CIITA: variants seen among roughly 807,000 people sequenced by gnomAD.
CIITA encodes the protein class II major histocompatibility complex transactivator.
CIITA carries 72 observed loss-of-function variants against 115.1 expected under a neutral mutation model. That is an observed-to-expected ratio of 0.63 (90% CI 0.52 to 0.76). The LOEUF (loss-of-function observed/expected upper bound fraction) is 0.76, where lower values mean the gene tolerates loss of function less well. CIITA is among the 30% of genes least tolerant of loss of function. The pLI is 0.00. For synonymous variants in CIITA, 763 were observed against 635.6 expected, an observed-to-expected ratio of 1.20 and a Z score of -3.02; for missense variants, 1,617 against 1,463.8, an observed-to-expected ratio of 1.10 and a Z score of -1.71.
chr16:10,900,894 A>T (rs2038678307), intron 5 of CIITA, among the ~76,000 whole-genome samples: 1 of 152,102 alleles, frequency 6.6e-6, no homozygotes, highest in South Asian at 2.1e-4. Context: ...CCCTCTATCC[A>T]TCCACACACC....
rs2038721171 is a variant in CIITA, at chr16:10,901,270, A to G, written c.437-244A>G. 1.3e-5 allele frequency among the ~76,000 whole-genome samples: 2 copies of G among 152,092 alleles called. No individual in the cohort carries two copies. The highest frequency in any genetic ancestry group is 2.9e-5 in the Non-Finnish European group (2 of 67,990). ...TTGTTTTGTTTTTTGGCTCAAACCCATGTTGTGTCCCCATTTGTGACTCGG... is the reference window on the plus strand; with the variant it reads ...TTGTTTTGTTTTTTGGCTCAAACCCGTGTTGTGTCCCCATTTGTGACTCGG... On this transcript the variant is annotated intron_variant, in intron 5 of 19. Coordinates refer to ENST00000324288, the MANE Select transcript of CIITA (RefSeq NM_000246.4). This position sits in a 1 kb window ranked among gnomAD's most constrained non-coding sequence, Gnocchi z 6.8.
chr16:10,872,389 C>A (rs1027108617), upstream of CIITA, among the ~76,000 whole-genome samples: 1 of 152,056 alleles, frequency 6.6e-6, no homozygotes, highest in African/African-American at 2.4e-5. Context: ...TCCCAAAATG[C>A]TGGGATTATA....
At chr16:10,913,386 C>G (rs2039720024) in intron 13 of CIITA, 1 of 158,804 alleles carries the variant, frequency 6.3e-6, no homozygotes, top group Non-Finnish European at 1.4e-5. Context: ...ACAATCTCGA[C>G]TCACTGCAAC....
At chr16:10,900,613 A>G (rs1251338686) in intron 5 of CIITA, among the ~76,000 whole-genome samples, 4 of 151,828 alleles carry the variant, frequency 2.6e-5, no homozygotes, top group East Asian at 1.9e-4. Context: ...GGTGGCGAAC[A>G]CCTGTAATCC....
rs762986389 is a variant in CIITA at position 10,923,354 on chromosome 16, G to A, written c.*22+29G>A. 19 of 1,498,776 alleles carry A rather than the reference G, an allele frequency of 1.3e-5. No individual in the cohort carries two copies. The highest frequency in any genetic ancestry group is 1.8e-5 in the Non-Finnish European group (19 of 1,076,752). 92.8% of individuals were successfully genotyped at this position (1,498,776 alleles called of 1,614,324 possible). ...ACCAGGGTGGGCTTGGGAGGGGAGA[G>A]CCGCAGTGGGTTGGGGGCAGTGTCC... is the stretch of plus-strand genomic sequence containing the variant. On this transcript the variant is annotated intron_variant, in intron 19 of 19. Transcript: ENST00000324288. The surrounding 1 kb of genome is among the most constrained non-coding windows in gnomAD (Gnocchi z 5.2).
At position 10,932,422 on chromosome 16, in the gene CIITA, G is replaced by A. The variant is rs1297106314; in HGVS notation, c.*8567G>A. 1 of 152,200 alleles carries A rather than the reference G, an allele frequency of 6.6e-6. No individual in the cohort carries two copies. The highest frequency in any genetic ancestry group is 1.9e-4 in the East Asian group (1 of 5,194). 9.4% of individuals were successfully genotyped at this position (152,200 alleles called of 1,614,324 possible). On this transcript the variant is annotated 3_prime_UTR_variant, in exon 20 of 20. Transcript: ENST00000324288. The stretch of plus-strand genomic sequence containing the variant: ...CTGCATTTCACATGGAGCTCAGAGA[G>A]GTTAAGCAAGCCGTGCAAGGCCACA...
intron 1 of CIITA, among the ~76,000 whole-genome samples, chr16:10,891,027 T>C (rs2037516184): frequency 6.6e-6 from 1 of 152,192 alleles, no homozygotes; most frequent in South Asian, 2.1e-4. Context: ...CTTCTTTCCC[T>C]TCTCAATTTA....
At chr16:10,886,324 G>C (rs927017699) in intron 1 of CIITA, among the ~76,000 whole-genome samples, 1 of 152,018 alleles carries the variant, frequency 6.6e-6, no homozygotes, top group Non-Finnish European at 1.5e-5. Flanking sequence ...TTCTAATCAC[G>C]GACATTGTTC....
chr16:10,896,978 A>C (rs985088763), intron 3 of CIITA, among the ~76,000 whole-genome samples: 25 of 152,206 alleles, frequency 1.6e-4, no homozygotes, highest in African/African-American at 6.0e-4. Context: ...GAGGACATTC[A>C]CATTTCCTCA....
Position 10,906,968 on chromosome 16 carries a change from C to T in CIITA, c.1476C>T (p.Asp492=), listed in dbSNP as rs763054530. 6.2e-7 allele frequency: 1 copy of T among 1,612,450 alleles called. No homozygotes were observed. Among genetic ancestry groups the T allele is most frequent in the South Asian group, 1.1e-5 (1 of 91,078 alleles). The change falls in exon 11 of 20, where the codon GAC becomes GAT. Residue 492 remains aspartate, a synonymous_variant. Transcript: ENST00000324288. ...TCAGCCACATCTTGAAGAGACCTGA[C>T]CGCGTTCTGCTCATCCTAGACGGCT... is the stretch of plus-strand genomic sequence containing the variant. ...EVFSHILKRP[D]RVLLILDGFE... is the part of the protein sequence containing the mutation.
chr16:10,867,569 G>A (rs2035172579), intron 1 of CIITA, among the ~76,000 whole-genome samples: 1 of 152,036 alleles, frequency 6.6e-6, no homozygotes, highest in African/African-American at 2.4e-5. Flanking sequence ...GAGAGAAAGA[G>A]AGAATAAGAA....
intron 1 of CIITA, among the ~76,000 whole-genome samples, chr16:10,880,174 T>G (rs1289414115): frequency 2.0e-5 from 3 of 152,154 alleles, no homozygotes; most frequent in African/African-American, 7.2e-5. Context: ...TCAGAGCGTT[T>G]GGAGGCAGGG....
In CIITA at chr16:10,922,438, G is replaced by A; in HGVS notation, c.3265G>A (p.Ala1089Thr). 1 of 1,614,196 alleles carries A rather than the reference G, an allele frequency of 6.2e-7. No homozygotes were observed. Among genetic ancestry groups the A allele is most frequent in the Non-Finnish European group, 8.5e-7 (1 of 1,180,040 alleles). ...VQYNKFTAAG[A>T]QQLAASLRRC... ...GTACAACAAGTTCACGGCTGCCGGG[G>A]CCCAGCAGCTCGCTGCCAGCCTTCG... The change falls in exon 18 of 20, where the codon GCC becomes ACC. Residue 1089 changes from alanine to threonine, a missense_variant. Coordinates refer to ENST00000324288, the MANE Select transcript of CIITA (RefSeq NM_000246.4).
At chr16:10,936,649 T>C (rs1407846211), downstream of CIITA, 3 of 152,158 alleles carry the variant, frequency 2.0e-5, no homozygotes, top group African/African-American at 7.2e-5. Flanking sequence ...GTTGGAAGAG[T>C]GCGTATGAAA....
Position 10,906,918 on chromosome 16 carries a change from C to T in CIITA, c.1426C>T (p.Pro476Ser). 6.2e-7 allele frequency: 1 copy of T among 1,613,490 alleles called. No homozygotes were observed. Among genetic ancestry groups the T allele is most frequent in the South Asian group, 1.1e-5 (1 of 91,086 alleles). ...QDLLFSLGPQ[P>S]LVAADEVFSH... ...TCTGCTCTTCTCCCTGGGCCCACAG[C>T]CACTCGTGGCGGCCGATGAGGTTTT... The change falls in exon 11 of 20, where the codon CCA (proline) becomes TCA (serine). Residue 476 changes from proline (P) to serine (S), a missense_variant. Transcript: ENST00000324288.
At chr16:10,893,238 A>AGT (rs2037775234) in intron 1 of CIITA, among the ~76,000 whole-genome samples, 1 of 152,180 alleles carries the variant, frequency 6.6e-6, no homozygotes, top group Non-Finnish European at 1.5e-5. Flanking sequence ...GAGAGAATAA[A>AGT]GTGCTGTTGT....
Position 10,879,302 on chromosome 16 carries a change from C to T in CIITA, c.52+1920C>T, listed in dbSNP as rs1436877585. ...GTGGGCGGGTGGCAGGAAAGCCTGG[C>T]GGCAGCTTCTGCAGAGAAGCCGGAG... On this transcript the variant is annotated intron_variant, in intron 1 of 19. Coordinates refer to ENST00000324288, the MANE Select transcript of CIITA (RefSeq NM_000246.4). This position sits in a 1 kb window ranked among gnomAD's most constrained non-coding sequence, Gnocchi z 4.3. Among the ~76,000 whole-genome samples the T allele has an allele frequency of 6.6e-6, 1 of 152,248 alleles. No homozygotes were observed. Among genetic ancestry groups the T allele is most frequent in the South Asian group, 2.1e-4 (1 of 4,830 alleles).
chr16:10,906,438 T>C, intron 10 of CIITA, 61 bp from the exon 11 acceptor site: 1 of 1,566,278 alleles, frequency 6.4e-7, no homozygotes, highest in East Asian at 2.2e-5. Context: ...GGCCTTGTGG[T>C]GGCTGGCCCT....
chr16:10,931,897 A>C lies in CIITA; in HGVS notation c.*8042A>C, dbSNP rs930190868. 2 of 152,234 alleles carry C rather than the reference A, an allele frequency of 1.3e-5. No homozygotes were observed. The highest frequency in any genetic ancestry group is 4.8e-5 in the African/African-American group (2 of 41,458). The allele number at this position is 152,234 out of a possible 1,614,324, so 9.4% of individuals were successfully genotyped here. The stretch of plus-strand genomic sequence containing the variant: ...CAGAGTGAGACTCTGTCTCAAAAAA[A>C]CACAAAAGTTTCTCTTTTCAAAACA... On this transcript the variant is annotated 3_prime_UTR_variant, in exon 20 of 20. Transcript: ENST00000324288.
Sources: allele counts gnomAD v4.1 joint callset (sites outside exome capture counted in the v4.1 genomes callset), GRCh38; gene constraint gnomAD v4.1.1; non-coding constraint Gnocchi (gnomAD v3.1); transcripts MANE v1.5; gene names NCBI Gene and HGNC (gene_info 2026-07-23, HGNC 2026-07-21).